The following DENND6A variants were observed in gnomAD, a reference collection of about 807,000 sequenced individuals.
DENND6A encodes DENN domain containing 6A.
DENND6A carries 43 observed loss-of-function variants against 95.5 expected under a neutral mutation model. That is an observed-to-expected ratio of 0.45 (90% CI 0.35 to 0.58). The LOEUF is 0.58. Among genes scored for constraint, DENND6A ranks in the 20% least tolerant of loss-of-function variants. The pLI, the probability that DENND6A is intolerant of heterozygous loss-of-function variation, is 0.00. For missense variants in DENND6A, 574 were observed against 736.0 expected (o/e 0.78, Z 2.55); for synonymous variants, 257 against 260.4 (o/e 0.99, Z 0.13).
At chr3:57,680,057 G>A (rs1051660618) in intron 1 of DENND6A, among the ~76,000 whole-genome samples, 2 of 152,128 alleles carry the variant, frequency 1.3e-5, no homozygotes, top group East Asian at 1.9e-4. Context: ...TTCAGGTGGA[G>A]TAAGTTACTT....
At chr3:57,663,968 C>CA (rs369134633) in intron 4 of DENND6A, among the ~76,000 whole-genome samples, 29 of 152,058 alleles carry the variant, frequency 1.9e-4, no homozygotes, top group African/African-American at 6.5e-4. Context: ...AAAATTAAAA[C>CA]AAAAAAACCC....
At chr3:57,631,125 C>G in intron 15 of DENND6A, 147 bp from the exon 16 acceptor site, 1 of 641,872 alleles carries the variant, frequency 1.6e-6, no homozygotes, top group Non-Finnish European at 2.7e-6. Flanking sequence ...AGAGATATAG[C>G]TAAATTTAGA....
chr3:57,658,434 T>G (rs2071367035), intron 8 of DENND6A, among the ~76,000 whole-genome samples: 2 of 152,048 alleles, frequency 1.3e-5, no homozygotes, highest in African/African-American at 4.8e-5. Flanking sequence ...GAGGCTGAGG[T>G]GGGAGAATCA....
In DENND6A at chr3:57,666,175, G is replaced by A. The variant is rs758954719; in HGVS notation, c.380C>T (p.Ser127Leu). ...AAATTGATCCAGGAGACAATGCAGCGACACCCTCCTCCCAGAAGACTGTCG... is the reference window on the plus strand; with the variant it reads ...AAATTGATCCAGGAGACAATGCAGCAACACCCTCCTCCCAGAAGACTGTCG... ...RFRQSSGRRV[S>L]LHCLLDQFDK... The change falls in exon 4 of 20, where the codon TCG becomes TTG. Residue 127 changes from serine to leucine, a missense_variant. Physicochemically the swap from Ser to Leu is moderately radical, Grantham distance 145 (BLOSUM62 -2). Coordinates refer to ENST00000311128, the MANE Select transcript of DENND6A (RefSeq NM_152678.3). 15 of 1,613,658 alleles carry A rather than the reference G, an allele frequency of 9.3e-6. 1 individual carries two copies. Among genetic ancestry groups the A allele is most frequent in the Middle Eastern group, 3.3e-4 (2 of 6,084 alleles).
intron 8 of DENND6A, among the ~76,000 whole-genome samples, chr3:57,658,275 A>G (rs1455255279): frequency 2.0e-5 from 3 of 152,106 alleles, no homozygotes; most frequent in Non-Finnish European, 4.4e-5. Flanking sequence ...CATGCCTGTA[A>G]TCCTAGCACT....
chr3:57,648,468 C>G (rs1257958286), intron 9 of DENND6A, among the ~76,000 whole-genome samples: 4 of 152,106 alleles, frequency 2.6e-5, no homozygotes, highest in Non-Finnish European at 5.9e-5. Flanking sequence ...TCAATGCCCT[C>G]CTTACACTGC....
At chr3:57,651,064 G>C (rs760204849) in intron 9 of DENND6A, among the ~76,000 whole-genome samples, 1 of 152,070 alleles carries the variant, frequency 6.6e-6, no homozygotes, top group Non-Finnish European at 1.5e-5. Flanking sequence ...GATTACAGGC[G>C]TGAGCCACTG....
intron 8 of DENND6A, among the ~76,000 whole-genome samples, chr3:57,657,936 T>C (rs1443256122): frequency 2.0e-5 from 3 of 152,084 alleles, no homozygotes; most frequent in Non-Finnish European, 4.4e-5. Flanking sequence ...GCAGATAACA[T>C]GGATAAAGAA....
intron 1 of DENND6A, among the ~76,000 whole-genome samples, chr3:57,691,780 C>G (rs1348460268): frequency 2.6e-5 from 4 of 151,258 alleles, no homozygotes; most frequent in Admixed American, 6.6e-5. Flanking sequence ...GCTAAAAAGA[C>G]CTTCAACAAC....
intron 3 of DENND6A, 89 bp from the exon 4 acceptor site, chr3:57,666,324 T>C (rs1356831719): frequency 1.9e-6 from 2 of 1,052,838 alleles, no homozygotes; most frequent in Admixed American, 5.3e-5. Flanking sequence ...AAAAATCCTA[T>C]CAATCATTTT....
Position 57,633,354 on chromosome 3 carries a change from C to T in DENND6A, c.1264G>A (p.Gly422Ser). ...DEEIIKQLQK[G>S]VQQKRPSEAQ... ...TCAGAAGGACGTTTCTGTTGTACACCCTTAAAAGAGGAAATAATGAGAATC... is the reference window on the plus strand; with the variant it reads ...TCAGAAGGACGTTTCTGTTGTACACTCTTAAAAGAGGAAATAATGAGAATC... Residue 422 changes from glycine (G) to serine (S), a missense_variant and splice_region_variant, in exon 15 of 20, where the codon GGT becomes AGT. By Grantham distance (56) the Gly-to-Ser change is moderately conservative (BLOSUM62 0). This residue lies in a region of DENND6A where 452 missense variants were observed against 630.9 expected (regional missense o/e 0.72). Transcript: ENST00000311128. The T allele has an allele frequency of 6.2e-7, 1 of 1,609,520 alleles. No homozygotes were observed. Among genetic ancestry groups the T allele is most frequent in the Non-Finnish European group, 8.5e-7 (1 of 1,178,066 alleles).
chr3:57,651,954 A>AC (rs1404173837), intron 9 of DENND6A, among the ~76,000 whole-genome samples: 1 of 152,168 alleles, frequency 6.6e-6, no homozygotes, highest in East Asian at 1.9e-4. Flanking sequence ...CACTCCTGTA[A>AC]CCCCAACACC....
rs754194795 is a variant in DENND6A at position 57,663,151 on chromosome 3, C to CAA, written c.513+483_513+484dup. Among the ~76,000 whole-genome samples the CAA allele has an allele frequency of 1.3e-3, 54 of 40,064 alleles. 1 individual carries two copies. The highest frequency in any genetic ancestry group is 1.9e-3 in the African/African-American group (22 of 11,400). 26.3% of individuals were successfully genotyped at this position (40,064 alleles called of 152,430 possible). ...GGGCGACAAGAGCAAAACTCCATAT[C>CAA]AAAAAAAAAAAAAAAAAAAAAAATC... On this transcript the variant is annotated intron_variant, in intron 5 of 19. Transcript: ENST00000311128.
At chr3:57,643,131 G>A (rs2070987818) in intron 11 of DENND6A, among the ~76,000 whole-genome samples, 1 of 152,068 alleles carries the variant, frequency 6.6e-6, no homozygotes, top group South Asian at 2.1e-4. Context: ...GACTGGAAAG[G>A]GAGCAATAGA....
chr3:57,639,446 C>T (rs1419170169), intron 12 of DENND6A, among the ~76,000 whole-genome samples: 1 of 152,172 alleles, frequency 6.6e-6, no homozygotes, highest in Non-Finnish European at 1.5e-5. Flanking sequence ...ACTTCTTCCA[C>T]TGGAAAGAGA....
At chr3:57,658,297 G>T (rs2071365055) in intron 8 of DENND6A, among the ~76,000 whole-genome samples, 1 of 151,614 alleles carries the variant, frequency 6.6e-6, no homozygotes, top group Admixed American at 6.6e-5. Context: ...TGGGAATCCA[G>T]GAAGGAGGAT....
chr3:57,644,067 G>C (rs942379453), intron 11 of DENND6A, among the ~76,000 whole-genome samples: 1 of 150,720 alleles, frequency 6.6e-6, no homozygotes, highest in Non-Finnish European at 1.5e-5. Flanking sequence ...GGAGAATCTC[G>C]TGAACCCGGG....
At chr3:57,670,154 G>C (rs1424251608) in intron 3 of DENND6A, among the ~76,000 whole-genome samples, 2 of 151,824 alleles carry the variant, frequency 1.3e-5, no homozygotes, top group African/African-American at 4.8e-5. Flanking sequence ...AAACACCACA[G>C]AATTAACTTC....
chr3:57,663,544 CAA>C, intron 5 of DENND6A, 90 bp downstream of exon 5: 1 of 699,726 alleles, frequency 1.4e-6, no homozygotes. Flanking sequence ...GATAAAATAC[CAA>C]AGACTTTAAA....
Sources: allele counts gnomAD v4.1 joint callset (sites outside exome capture counted in the v4.1 genomes callset), GRCh38; gene constraint gnomAD v4.1.1; regional missense constraint gnomAD v4.1.1; transcripts MANE v1.5; gene names NCBI Gene and HGNC (gene_info 2026-07-23, HGNC 2026-07-21).